Variants in FHAD1 observed in about 807,000 individuals in gnomAD.
FHAD1 encodes forkhead-associated domain-containing protein 1.
A neutral mutation model predicts 191.3 loss-of-function variants in FHAD1; 146 were observed. That is an observed-to-expected ratio of 0.76 (90% CI 0.67 to 0.88). The LOEUF is 0.88. Ranked by LOEUF, FHAD1 falls within the 40% of genes least tolerant of loss-of-function variation. The pLI, the probability that FHAD1 is intolerant of heterozygous loss-of-function variation, is 0.00. For missense variants in FHAD1, 1,635 were observed against 1,785.8 expected, an observed-to-expected ratio of 0.92 and a Z score of 1.52; for synonymous variants, 616 against 672.3, an observed-to-expected ratio of 0.92 and a Z score of 1.29.
Position 15,339,405 on chromosome 1 carries a change from G to A in FHAD1, c.1907-76G>A, listed in dbSNP as rs576855841. ...CACGTTGTTTTGATGGGATGGCAACGTTGCTTTCATCCACCTGTCTGCAAG... is the reference window on the plus strand; with the variant it reads ...CACGTTGTTTTGATGGGATGGCAACATTGCTTTCATCCACCTGTCTGCAAG... On this transcript the variant is annotated intron_variant, in intron 14 of 33. Coordinates refer to ENST00000688493, the MANE Select transcript of FHAD1 (RefSeq NM_001391957.1). 195 of 624,078 alleles carry A rather than the reference G, an allele frequency of 3.1e-4. 5 individuals are homozygous for A. The highest frequency in any genetic ancestry group is 2.7e-3 in the South Asian group (157 of 57,738). 38.7% of individuals were successfully genotyped at this position (624,078 alleles called of 1,614,324 possible).
chr1:15,288,383 C>T (rs1169926964), intron 3 of FHAD1, among the ~76,000 whole-genome samples: 1 of 152,266 alleles, frequency 6.6e-6, no homozygotes, highest in East Asian at 1.9e-4. Flanking sequence ...TGGATTTTGA[C>T]ATGCTCTCCA....
At chr1:15,324,704 G>T (rs533842241) in intron 11 of FHAD1, 145 bp downstream of exon 11, 5 of 652,352 alleles carry the variant, frequency 7.7e-6, no homozygotes, top group African/African-American at 7.2e-5. Flanking sequence ...AGCAGAGGCT[G>T]TCTGCAGCTC....
Position 15,301,385 on chromosome 1 carries a change from G to C in FHAD1, c.859G>C (p.Val287Leu), listed in dbSNP as rs911904280. 2 of 1,551,788 alleles carry C rather than the reference G, an allele frequency of 1.3e-6. No individual in the cohort carries two copies. The highest frequency in any genetic ancestry group is 8.7e-7 in the Non-Finnish European group (1 of 1,147,010). Residue 287 changes from valine (V) to leucine (L), a missense_variant, in exon 6 of 34, where the codon GTT (valine) becomes CTT (leucine). Physicochemically the swap from Val to Leu is conservative, Grantham distance 32. Coordinates refer to ENST00000688493, the MANE Select transcript of FHAD1 (RefSeq NM_001391957.1). ...GAAGGAGATCTCGCAGAAGTGTCAG[G>C]TTCTGGATGAAGACATCGATGCCAA... ...NEKEISQKCQVLDEDIDAKQK... is the reference protein window; with the variant it reads ...NEKEISQKCQLLDEDIDAKQK...
At chr1:15,302,981 C>T (rs1439578075) in intron 6 of FHAD1, among the ~76,000 whole-genome samples, 1 of 152,196 alleles carries the variant, frequency 6.6e-6, no homozygotes, top group Non-Finnish European at 1.5e-5. Context: ...TCCACAAGGG[C>T]AAGGGCTGGG....
chr1:15,271,117 C>A (rs1408155005), intron 2 of FHAD1, among the ~76,000 whole-genome samples: 3 of 124,250 alleles, frequency 2.4e-5, no homozygotes, highest in South Asian at 5.3e-4. Flanking sequence ...CCAGCCTGGG[C>A]AACAGAGCGA....
Position 15,382,080 on chromosome 1 carries a change from G to A in FHAD1, c.4075G>A (p.Asp1359Asn), listed in dbSNP as rs754185865. 4 of 1,552,028 alleles carry A rather than the reference G, an allele frequency of 2.6e-6. No individual in the cohort carries two copies. Among genetic ancestry groups the A allele is most frequent in the Non-Finnish European group, 3.5e-6 (4 of 1,147,106 alleles). The change falls in exon 31 of 34, where the codon GAT (aspartate) becomes AAT (asparagine). Residue 1359 changes from aspartate to asparagine, a missense_variant. Physicochemically the swap from Asp to Asn is conservative, Grantham distance 23. Coordinates refer to ENST00000688493, the MANE Select transcript of FHAD1 (RefSeq NM_001391957.1). ...MYQSQVAKLE[D>N]DIYKEAEEKA... ...CCAGTCGCAGGTGGCAAAGCTGGAG[G>A]ATGATATCTACAAAGAGGCCGAAGA...
In FHAD1 at chr1:15,270,473, T is replaced by C. The variant is rs75777934; in HGVS notation, c.94-1850T>C. Among the ~76,000 whole-genome samples, 931 of 152,226 alleles carry C rather than the reference T, an allele frequency of 6.1e-3. 43 individuals are homozygous for C. The East Asian group carries it at 0.096, about 16-fold the overall frequency. ...TACCAAATGGGAAACTATCTCTAGATTGTTGTGAAGATGAAATAGGGCAAT... is the reference window on the plus strand; with the variant it reads ...TACCAAATGGGAAACTATCTCTAGACTGTTGTGAAGATGAAATAGGGCAAT... On this transcript the variant is annotated intron_variant, in intron 2 of 33. Transcript: ENST00000688493.
intron 28 of FHAD1, among the ~76,000 whole-genome samples, chr1:15,378,070 G>A (rs539684380): frequency 2.6e-5 from 4 of 152,014 alleles, no homozygotes; most frequent in Non-Finnish European, 4.4e-5. Context: ...TTGGGAGGCC[G>A]AGGCAGGCAG....
intron 3 of FHAD1, among the ~76,000 whole-genome samples, chr1:15,286,659 C>G (rs1350157964): frequency 6.6e-6 from 1 of 152,236 alleles, no homozygotes; most frequent in East Asian, 1.9e-4. Context: ...TGCCCCACCC[C>G]TGGCCAATCA....
At chr1:15,298,978 G>C (rs1265521273) in intron 5 of FHAD1, among the ~76,000 whole-genome samples, 1 of 151,252 alleles carries the variant, frequency 6.6e-6, no homozygotes, top group Non-Finnish European at 1.5e-5. Flanking sequence ...AGCCCAGCCT[G>C]GGCAACATAG....
At chr1:15,321,572 A>G (rs188816622) in intron 10 of FHAD1, among the ~76,000 whole-genome samples, 7 of 152,350 alleles carry the variant, frequency 4.6e-5, no homozygotes, top group Non-Finnish European at 1.0e-4. Context: ...TCCAAAAGAC[A>G]TTATTAATAT....
rs1204094032 is a variant in FHAD1 at position 15,311,303 on chromosome 1, C to T, written c.1040-1754C>T. Among the ~76,000 whole-genome samples, 2 of 152,164 alleles carry T rather than the reference C, an allele frequency of 1.3e-5. No individual in the cohort carries two copies. Among genetic ancestry groups the T allele is most frequent in the Non-Finnish European group, 2.9e-5 (2 of 68,022 alleles). On this transcript the variant is annotated intron_variant, in intron 7 of 33. Transcript: ENST00000688493. The surrounding 1 kb of genome is among the most constrained non-coding windows in gnomAD (Gnocchi z 4.1). ...GTCCGCCTCAAGTCTTCAGCAGAGT[C>T]AGGTGTGATGAGCACGTGCATGTGG...
chr1:15,338,282 C>G (rs1404952322), intron 14 of FHAD1, among the ~76,000 whole-genome samples: 1 of 152,222 alleles, frequency 6.6e-6, no homozygotes, highest in Admixed American at 6.5e-5. Context: ...TCCGGAGGCT[C>G]TAGAGCAGTA....
intron 6 of FHAD1, among the ~76,000 whole-genome samples, chr1:15,306,081 C>T (rs563085795): frequency 1.4e-4 from 21 of 152,088 alleles, no homozygotes; most frequent in Admixed American, 2.6e-4. Context: ...AGCCTGATAG[C>T]GATATGGATA....
At chr1:15,286,890 GT>G (rs1662642602) in intron 3 of FHAD1, among the ~76,000 whole-genome samples, 2 of 152,210 alleles carry the variant, frequency 1.3e-5, no homozygotes. Context: ...CCTACTGAAT[GT>G]CCTAGCATGA....
intron 9 of FHAD1, among the ~76,000 whole-genome samples, chr1:15,317,134 C>T (rs576892968): frequency 1.9e-4 from 29 of 151,982 alleles, no homozygotes; most frequent in East Asian, 3.9e-4. Flanking sequence ...GAGGTTGCAG[C>T]GAGCCGAGAT....
At chr1:15,388,438 G>A in intron 32 of FHAD1, 1 of 1,187,688 alleles carries the variant, frequency 8.4e-7, no homozygotes, top group Non-Finnish European at 1.1e-6. Context: ...AAGGCAGAGG[G>A]GATATTCCAG....
intron 3 of FHAD1, among the ~76,000 whole-genome samples, chr1:15,277,826 T>G (rs1347787842): frequency 6.6e-6 from 1 of 152,220 alleles, no homozygotes; most frequent in Non-Finnish European, 1.5e-5. Context: ...TTGCAGTTTC[T>G]TTTTTGATGG....
In FHAD1 at chr1:15,272,299, G is replaced by C. The variant is rs114094133; in HGVS notation, c.94-24G>C. On this transcript the variant is annotated intron_variant, in intron 2 of 33. Coordinates refer to ENST00000688493, the MANE Select transcript of FHAD1 (RefSeq NM_001391957.1). The stretch of plus-strand genomic sequence containing the variant: ...GTGTCATTTTTGTTTTCATGGCTAC[G>C]ACTGTCCTCCTTCTCCGTTGCAGTC... 13,792 of 1,541,894 alleles carry C rather than the reference G, an allele frequency of 8.9e-3. 86 individuals carry two copies. The highest frequency in any genetic ancestry group is 0.014 in the South Asian group (1,169 of 83,778).
Sources: allele counts gnomAD v4.1 joint callset (sites outside exome capture counted in the v4.1 genomes callset), GRCh38; gene constraint gnomAD v4.1.1; non-coding constraint Gnocchi (gnomAD v3.1); transcripts MANE v1.5; gene names NCBI Gene and HGNC (gene_info 2026-07-23, HGNC 2026-07-21).